The following YEATS2 variants were observed in gnomAD, a reference collection of about 807,000 sequenced individuals.
YEATS2 encodes YEATS domain containing 2.
Under a neutral mutation model 163.2 loss-of-function variants are expected in YEATS2, and 77 were observed. That is an observed-to-expected ratio of 0.47 (90% CI 0.39 to 0.57). The LOEUF (loss-of-function observed/expected upper bound fraction) is 0.57, where lower values mean the gene tolerates loss of function less well. Among genes scored for constraint, YEATS2 ranks in the 20% least tolerant of loss-of-function variants. The pLI, the probability that YEATS2 is intolerant of heterozygous loss-of-function variation, is 0.00. For synonymous variants in YEATS2, 631 were observed against 645.1 expected (o/e 0.98, Z 0.33); for missense variants, 1,549 against 1,729.8 (o/e 0.90, Z 1.85).
At chr3:183,740,859 C>T (rs1401072036) in intron 8 of YEATS2, among the ~76,000 whole-genome samples, 1 of 152,208 alleles carries the variant, frequency 6.6e-6, no homozygotes, top group African/African-American at 2.4e-5. Flanking sequence ...CTAGGACTTT[C>T]ATAGCTAGAG....
intron 10 of YEATS2, among the ~76,000 whole-genome samples, chr3:183,753,472 CA>C (rs1442478050): frequency 1.3e-5 from 2 of 152,114 alleles, no homozygotes; most frequent in Non-Finnish European, 2.9e-5. Flanking sequence ...AGGGGCCGGG[CA>C]CGGTGGCTCA....
intron 15 of YEATS2, among the ~76,000 whole-genome samples, chr3:183,763,183 G>T (rs1428253155): frequency 1.3e-5 from 2 of 152,104 alleles, no homozygotes; most frequent in African/African-American, 4.8e-5. Flanking sequence ...TGATTTTGTT[G>T]TGTGAACATC....
intron 21 of YEATS2, chr3:183,793,177 T>TAC (rs796990400): frequency 7.8e-6 from 10 of 1,287,804 alleles, no homozygotes; most frequent in East Asian, 5.6e-5. Context: ...ATCACCGAGA[T>TAC]ACACACACAC....
chr3:183,741,641 G>A (rs1174191146), intron 8 of YEATS2, among the ~76,000 whole-genome samples: 2 of 151,900 alleles, frequency 1.3e-5, no homozygotes, highest in Non-Finnish European at 2.9e-5. Context: ...AAGTAGCTGG[G>A]CGTGGTGGGT....
intron 12 of YEATS2, among the ~76,000 whole-genome samples, chr3:183,757,783 T>C (rs1720925920): frequency 6.6e-6 from 1 of 152,092 alleles, no homozygotes; most frequent in East Asian, 1.9e-4. Context: ...TTTTTTTTTT[T>C]TGGAAAGGCT....
intron 27 of YEATS2, among the ~76,000 whole-genome samples, chr3:183,804,988 CA>C (rs78765003): frequency 3.4e-5 from 5 of 145,068 alleles, no homozygotes; most frequent in African/African-American, 1.0e-4. Flanking sequence ...GACTCCGTCT[CA>C]AAAAAAAAAC....
rs182142836 is a variant in YEATS2 at position 183,744,317 on chromosome 3, A to G, written c.925-3355A>G. On this transcript the variant is annotated intron_variant, in intron 8 of 30. Coordinates refer to ENST00000305135, the MANE Select transcript of YEATS2 (RefSeq NM_018023.5). ...TTTTTAGTAGAGACGGGGTTTCATC[A>G]TGTTGGCTAGGCTGGTCTCAAACTC... Among the ~76,000 whole-genome samples, 117 of 151,480 alleles carry G rather than the reference A, an allele frequency of 7.7e-4. 1 individual carries two copies. The East Asian group carries it at 0.02, about 26-fold the overall frequency.
intron 10 of YEATS2, among the ~76,000 whole-genome samples, chr3:183,752,765 A>T (rs1347001908): frequency 1.3e-5 from 2 of 151,678 alleles, no homozygotes; most frequent in Non-Finnish European, 2.9e-5. Flanking sequence ...AAATGTAAAA[A>T]TAGCTAAAAA....
chr3:183,743,736 A>G (rs143101934), intron 8 of YEATS2, among the ~76,000 whole-genome samples: 217 of 152,238 alleles, frequency 1.4e-3, no homozygotes, highest in African/African-American at 4.9e-3. Context: ...TTTTCTCTAC[A>G]TGTGACATAA....
rs200048624 is a variant in YEATS2 at position 183,722,278 on chromosome 3, CTTTTTTTTTTTT to C, written c.537+159_537+170del. ...TCCTTTTATAATGGGGAAACCAAAT[CTTTTTTTTTTTT>C]TTTTTTTTTTTTTTTTGAGACAGAG... is the stretch of plus-strand genomic sequence containing the variant. On this transcript the variant is annotated intron_variant, in intron 5 of 30. Transcript: ENST00000305135. 2,791 of 308,498 alleles carry C rather than the reference CTTTTTTTTTTTT, an allele frequency of 9.0e-3. 5 individuals are homozygous for C. The highest frequency in any genetic ancestry group is 0.023 in the East Asian group (332 of 14,598). 19.1% of individuals were successfully genotyped at this position (308,498 alleles called of 1,614,324 possible).
At chr3:183,700,541 T>C (rs2108950885) in intron 1 of YEATS2, among the ~76,000 whole-genome samples, 1 of 152,214 alleles carries the variant, frequency 6.6e-6, no homozygotes, top group East Asian at 1.9e-4. Context: ...TGATGCAGTT[T>C]TCTCACAGAA....
intron 7 of YEATS2, among the ~76,000 whole-genome samples, chr3:183,730,065 T>TTTG (rs1717600065): frequency 6.1e-5 from 6 of 98,144 alleles, no homozygotes; most frequent in African/African-American, 3.3e-4. Flanking sequence ...TTTTTTTTTT[T>TTTG]TTTTTTTTTT....
At chr3:183,780,508 A>G (rs1723466728) in intron 19 of YEATS2, among the ~76,000 whole-genome samples, 2 of 152,150 alleles carry the variant, frequency 1.3e-5, no homozygotes, top group African/African-American at 2.4e-5. Flanking sequence ...GGGCTCCTCA[A>G]CTAGTTTTTG....
intron 24 of YEATS2, 47 bp from the exon 25 acceptor site, chr3:183,801,408 C>A: frequency 7.1e-7 from 1 of 1,408,000 alleles, no homozygotes; most frequent in Non-Finnish European, 9.9e-7. Context: ...ATAGAAACTG[C>A]TACATGTATT....
At chr3:183,776,149 T>C (rs375206301) in intron 18 of YEATS2, 26 bp downstream of exon 18, 8 of 1,525,610 alleles carry the variant, frequency 5.2e-6, no homozygotes, top group Non-Finnish European at 6.2e-6. Flanking sequence ...ACTGATATTT[T>C]AAATCATTTA....
intron 15 of YEATS2, among the ~76,000 whole-genome samples, chr3:183,768,598 C>T (rs573321483): frequency 4.6e-5 from 7 of 152,078 alleles, no homozygotes; most frequent in Admixed American, 3.3e-4. Context: ...GAAGGGTTTC[C>T]GTATTTCCAC....
chr3:183,786,977 A>G (rs1301660977), intron 20 of YEATS2, among the ~76,000 whole-genome samples: 2 of 152,014 alleles, frequency 1.3e-5, no homozygotes, highest in East Asian at 3.9e-4. Context: ...GTTTTTTGAG[A>G]TGGAGTCTTG....
intron 18 of YEATS2, among the ~76,000 whole-genome samples, chr3:183,776,516 C>T (rs1251687402): frequency 6.6e-6 from 1 of 152,080 alleles, no homozygotes; most frequent in Non-Finnish European, 1.5e-5. Context: ...TGCACTCCAC[C>T]CTGGCTGGGT....
chr3:183,699,164 G>T (rs73884596), intron 1 of YEATS2, among the ~76,000 whole-genome samples: 3,107 of 152,170 alleles, frequency 0.02, 109 homozygotes, highest in African/African-American at 0.071. Flanking sequence ...TTTTAAGGTA[G>T]AATGAACAAG....
Sources: gnomAD v4.1 joint callset for allele counts (sites outside exome capture counted in the v4.1 genomes callset) on GRCh38, gnomAD v4.1.1 for gene constraint, MANE v1.5 for transcripts, NCBI Gene and HGNC (gene_info 2026-07-23, HGNC 2026-07-21) for gene names.